RABL6: variants seen among roughly 807,000 people sequenced by gnomAD.
The protein encoded by RABL6 is RAB, member RAS oncogene family like 6, also known as rab-like protein 6.
A neutral mutation model predicts 72.9 loss-of-function variants in RABL6; 28 were observed. The observed-to-expected ratio is 0.38, with a 90% CI of 0.28 to 0.53. RABL6 has a LOEUF of 0.53. Ranked by LOEUF, RABL6 falls within the 20% of genes least tolerant of loss-of-function variation. RABL6 has a pLI of 0.80. For missense variants in RABL6, 1,029 were observed against 1,008.4 expected, an observed-to-expected ratio of 1.02 and a Z score of -0.28; for synonymous variants, 477 against 421.2, an observed-to-expected ratio of 1.13 and a Z score of -1.62.
At chr9:136,830,039 G>A (rs887885721) in intron 5 of RABL6, among the ~76,000 whole-genome samples, 3 of 152,214 alleles carry the variant, frequency 2.0e-5, no homozygotes, top group Non-Finnish European at 2.9e-5. Context: ...GGGGTGCTGC[G>A]GACGCACACT....
chr9:136,833,004 C>G (rs577124052), intron 7 of RABL6: 46 of 343,106 alleles, frequency 1.3e-4, no homozygotes, highest in African/African-American at 1.0e-3. Flanking sequence ...CTGGGCTGCC[C>G]TGACTGGGTC....
At chr9:136,822,201 G>T (rs977040780) in intron 1 of RABL6, 38 of 874,156 alleles carry the variant, frequency 4.3e-5, no homozygotes, top group Non-Finnish European at 4.9e-5. Context: ...ACCTGGGGGG[G>T]GCGTTGCGGG....
chr9:136,817,483 G>A (rs1471589693), intron 1 of RABL6, among the ~76,000 whole-genome samples: 2 of 136,254 alleles, frequency 1.5e-5, no homozygotes, highest in Non-Finnish European at 3.2e-5. Context: ...CAGCAAACCT[G>A]TGGCTGAGGG....
intron 13 of RABL6, 57 bp downstream of exon 13, chr9:136,839,922 C>T: frequency 6.4e-7 from 1 of 1,563,314 alleles, no homozygotes; most frequent in Non-Finnish European, 8.7e-7. Context: ...GAACGTGGGC[C>T]TCCTCCCAGC....
At chr9:136,808,919 G>A (rs1337794123) in intron 1 of RABL6, 1 of 152,202 alleles carries the variant, frequency 6.6e-6, no homozygotes, top group African/African-American at 2.4e-5. Context: ...GACTGTAGGA[G>A]ACATCCCATT....
intron 8 of RABL6, chr9:136,836,547 G>A (rs1221204649): frequency 1.3e-5 from 2 of 153,162 alleles, no homozygotes; most frequent in East Asian, 3.9e-4. Flanking sequence ...GCAGTTTGAT[G>A]CCTGGAGAGG....
intron 1 of RABL6, among the ~76,000 whole-genome samples, chr9:136,823,005 G>A (rs1196847820): frequency 2.6e-5 from 4 of 151,656 alleles, no homozygotes; most frequent in African/African-American, 9.7e-5. Context: ...GGAGAATGGC[G>A]TGAACCCGGG....
rs187788693 is a variant in RABL6 at position 136,839,493 on chromosome 9, C to G, written c.1758+7C>G. Reference sequence around the variant, plus strand: ...AGACACACAGCGCAGGGCGGTAAGACGAGTCCTCCCGGGGCAGAGGTCAGC... The same window carrying G: ...AGACACACAGCGCAGGGCGGTAAGAGGAGTCCTCCCGGGGCAGAGGTCAGC... On this transcript the variant is annotated splice_region_variant and intron_variant, in intron 12 of 14. Coordinates refer to ENST00000311502, the MANE Select transcript of RABL6 (RefSeq NM_024718.5). 3.3e-4 allele frequency: 537 copies of G among 1,603,896 alleles called. 2 individuals carry two copies. Among genetic ancestry groups the G allele is most frequent in the Middle Eastern group, 2.7e-3 (16 of 6,022 alleles).
chr9:136,808,423 T>G, intron 1 of RABL6, 97 bp downstream of exon 1: 2 of 1,246,320 alleles, frequency 1.6e-6, no homozygotes, highest in Non-Finnish European at 1.0e-6. Context: ...TCTCACCTGC[T>G]TGCCGGTTGT....
chr9:136,831,677 G>A (rs760608285), intron 5 of RABL6, 44 bp from the exon 6 acceptor site: 24 of 1,607,782 alleles, frequency 1.5e-5, no homozygotes, highest in Admixed American at 5.0e-5. Context: ...GGGACAGGGC[G>A]TCGCAGGGCT....
At chr9:136,825,637 C>T (rs1848339145) in intron 2 of RABL6, 142 bp from the exon 3 acceptor site, 8 of 870,410 alleles carry the variant, frequency 9.2e-6, no homozygotes, top group Middle Eastern at 2.5e-4. Flanking sequence ...CTGGGGAGGA[C>T]ACATCCCCTG....
At chr9:136,834,942 A>G (rs1357306880) in intron 7 of RABL6, among the ~76,000 whole-genome samples, 1 of 151,698 alleles carries the variant, frequency 6.6e-6, no homozygotes, top group Non-Finnish European at 1.5e-5. Context: ...AAAAAAAAAA[A>G]AAAAAAAAAT....
chr9:136,819,182 C>T (rs1055467266), intron 1 of RABL6, among the ~76,000 whole-genome samples: 1 of 151,854 alleles, frequency 6.6e-6, no homozygotes, highest in African/African-American at 2.4e-5. Flanking sequence ...ATTAGCCGGG[C>T]GTGGTGGCGG....
In RABL6 at chr9:136,835,759, G is replaced by C; in HGVS notation, c.723G>C (p.Arg241=). The stretch of plus-strand genomic sequence containing the variant: ...TTCTGCAGAGGGAGACGCTGTTGCG[G>C]CAGCTGGAGACGAACCAGCTGGACA... ...FLQLQRETLL[R]QLETNQLDMD... Residue 241 remains arginine, a synonymous_variant, in exon 8 of 15, where the codon CGG becomes CGC. Coordinates refer to ENST00000311502, the MANE Select transcript of RABL6 (RefSeq NM_024718.5). 6.5e-7 allele frequency: 1 copy of C among 1,549,894 alleles called. No individual in the cohort carries two copies. The highest frequency in any genetic ancestry group is 8.7e-7 in the Non-Finnish European group (1 of 1,147,376).
At chr9:136,831,661 C>T (rs1848476118) in intron 5 of RABL6, 60 bp from the exon 6 acceptor site, 1 of 1,600,440 alleles carries the variant, frequency 6.2e-7, no homozygotes, top group Admixed American at 1.7e-5. Flanking sequence ...AGCACCTTTC[C>T]AGGGAGGGAC....
chr9:136,807,973 G>A lies in RABL6; in HGVS notation c.-224G>A. The A allele has an allele frequency of 1.0e-6, 1 of 1,004,212 alleles. No individual in the cohort carries two copies. The highest frequency in any genetic ancestry group is 1.2e-6 in the Non-Finnish European group (1 of 844,118). 62.2% of individuals were successfully genotyped at this position (1,004,212 alleles called of 1,614,324 possible). A position where few individuals can be genotyped will look rare whatever the true frequency, so the allele number is the denominator to read the frequency against. ...AGATGGCGGCGCTGACTCCTGGAGA[G>A]CGGTCGCGCCGGAGGCCGCGGGGGC... is the stretch of plus-strand genomic sequence containing the variant. On this transcript the variant is annotated 5_prime_UTR_variant, in exon 1 of 15. Transcript: ENST00000311502.
At chr9:136,822,762 T>G in intron 1 of RABL6, among the ~76,000 whole-genome samples, 1 of 152,158 alleles carries the variant, frequency 6.6e-6, no homozygotes, top group East Asian at 1.9e-4. Context: ...GTGCGTGAGC[T>G]GGGATGCAGG....
At chr9:136,833,290 T>A (rs1184262594) in intron 7 of RABL6, 1 of 286,822 alleles carries the variant, frequency 3.5e-6, no homozygotes, top group Non-Finnish European at 6.5e-6. Flanking sequence ...GACCTGAACC[T>A]CCTCGCCCTG....
chr9:136,818,738 TAATC>T (rs1361131851), intron 1 of RABL6, among the ~76,000 whole-genome samples: 4 of 147,346 alleles, frequency 2.7e-5, no homozygotes, highest in Non-Finnish European at 5.9e-5. Flanking sequence ...GAGTGAGACT[TAATC>T]AAAAAAAAAA....
Sources: gnomAD v4.1 joint callset for allele counts (sites outside exome capture counted in the v4.1 genomes callset) on GRCh38, gnomAD v4.1.1 for gene constraint, MANE v1.5 for transcripts, NCBI Gene and HGNC (gene_info 2026-07-23, HGNC 2026-07-21) for gene names.